The following DPYD variants were observed in gnomAD, a reference collection of about 807,000 sequenced individuals.
DPYD encodes the protein dihydropyrimidine dehydrogenase [NADP(+)].
DPYD carries 109 observed loss-of-function variants against 116.2 expected under a neutral mutation model. The ratio of observed to expected loss-of-function variants is 0.94; its 90% confidence interval spans 0.80 to 1.10. The LOEUF (loss-of-function observed/expected upper bound fraction) is 1.10, where lower values mean the gene tolerates loss of function less well. DPYD is among the 50% of genes least tolerant of loss of function. DPYD has a pLI of 0.00. For synonymous variants in DPYD, 440 were observed against 432.0 expected (o/e 1.02, Z -0.23); for missense variants, 1,302 against 1,254.5 (o/e 1.04, Z -0.57).
intron 19 of DPYD, among the ~76,000 whole-genome samples, chr1:97,226,173 C>T (rs577170976): frequency 2.1e-4 from 32 of 152,006 alleles, no homozygotes; most frequent in African/African-American, 4.6e-4. Flanking sequence ...AAAAATCATC[C>T]GACAAAATTG....
intron 14 of DPYD, among the ~76,000 whole-genome samples, chr1:97,407,017 A>G (rs925554865): frequency 5.9e-5 from 9 of 152,294 alleles, no homozygotes; most frequent in African/African-American, 2.2e-4. Context: ...TGGCACATAA[A>G]GAGCTTGATT....
chr1:97,326,210 T>C (rs770699576), intron 16 of DPYD, among the ~76,000 whole-genome samples: 12 of 151,898 alleles, frequency 7.9e-5, no homozygotes, highest in Non-Finnish European at 1.5e-4. Flanking sequence ...CAGATTTCAA[T>C]TGCTGGAGGA....
At chr1:97,815,248 A>G (rs1668542862) in intron 3 of DPYD, among the ~76,000 whole-genome samples, 1 of 152,202 alleles carries the variant, frequency 6.6e-6, no homozygotes. Context: ...TAGGGGAGAC[A>G]TCAAAAGTAG....
intron 18 of DPYD, among the ~76,000 whole-genome samples, chr1:97,276,426 A>G (rs1201251546): frequency 1.3e-5 from 2 of 152,140 alleles, no homozygotes; most frequent in Non-Finnish European, 2.9e-5. Context: ...TCTAATATCC[A>G]GAATCTATAA....
rs923596810 is a variant in DPYD, at chr1:97,546,995, C to T, written c.1524+2565G>A. The T allele has an allele frequency of 5.0e-6, 8 of 1,588,234 alleles. No individual in the cohort carries two copies. The African/African-American group carries it at 5.4e-5, about 11-fold the overall frequency. The stretch of plus-strand genomic sequence containing the variant: ...CTCTGAATGGACCATAGTGTTTGCA[C>T]ATATTTGCAATTTTTTGCTGTTTTG... On this transcript the variant is annotated intron_variant, in intron 12 of 22. Transcript: ENST00000370192.
intron 20 of DPYD, among the ~76,000 whole-genome samples, chr1:97,135,933 T>G (rs761408138): frequency 1.8e-4 from 27 of 152,184 alleles, no homozygotes; most frequent in Admixed American, 5.2e-4. Flanking sequence ...ATTTTCTGCA[T>G]GCAAGGAAGA....
At chr1:97,623,796 G>A (rs1299938369) in intron 8 of DPYD, among the ~76,000 whole-genome samples, 2 of 151,726 alleles carry the variant, frequency 1.3e-5, no homozygotes, top group African/African-American at 4.8e-5. Context: ...CATCAACCAA[G>A]GGAACAGAGT....
At chr1:97,455,613 T>A (rs997187813) in intron 13 of DPYD, among the ~76,000 whole-genome samples, 3 of 151,918 alleles carry the variant, frequency 2.0e-5, no homozygotes, top group African/African-American at 7.2e-5. Flanking sequence ...ATTATAAATC[T>A]AACATACTGA....
chr1:97,744,618 A>C (rs1333266973), intron 3 of DPYD, among the ~76,000 whole-genome samples: 1 of 152,106 alleles, frequency 6.6e-6, no homozygotes, highest in Non-Finnish European at 1.5e-5. Context: ...AAGTATTCAC[A>C]TTAAAAATTA....
At chr1:97,480,419 G>GA (rs1290000817) in intron 13 of DPYD, among the ~76,000 whole-genome samples, 5 of 152,004 alleles carry the variant, frequency 3.3e-5, no homozygotes, top group Admixed American at 2.6e-4. Context: ...GTAAAATATA[G>GA]AAAAAACTAA....
intron 18 of DPYD, among the ~76,000 whole-genome samples, chr1:97,287,938 C>T (rs1448911736): frequency 6.6e-6 from 1 of 151,610 alleles, no homozygotes. Flanking sequence ...ATTCAGGAAA[C>T]CCATCTCACG....
chr1:97,505,158 G>C (rs1647225601), intron 13 of DPYD, among the ~76,000 whole-genome samples: 1 of 152,058 alleles, frequency 6.6e-6, no homozygotes, highest in Admixed American at 6.6e-5. Flanking sequence ...GAGGAGAGAA[G>C]TGAAAGTTAT....
chr1:97,442,792 A>T lies in DPYD; in HGVS notation c.1905+7267T>A, dbSNP rs151129816. Among the ~76,000 whole-genome samples the T allele has an allele frequency of 3.8e-3, 575 of 152,304 alleles. 1 individual carries two copies. The highest frequency in any genetic ancestry group is 0.013 in the African/African-American group (544 of 41,576). On this transcript the variant is annotated intron_variant, in intron 14 of 22. Transcript: ENST00000370192. The stretch of plus-strand genomic sequence containing the variant: ...ATGAAGTATTTTGTATAAAACCACT[A>T]GTTCACCAAGTTTTGAAAATCAATT...
At chr1:97,681,849 T>A (rs1208382365) in intron 7 of DPYD, among the ~76,000 whole-genome samples, 6 of 152,122 alleles carry the variant, frequency 3.9e-5, no homozygotes, top group Admixed American at 6.6e-5. Context: ...ACTGAGTAAG[T>A]ATGCCATTTT....
chr1:97,176,530 C>T (rs1197417639), intron 20 of DPYD, among the ~76,000 whole-genome samples: 1 of 152,146 alleles, frequency 6.6e-6, no homozygotes, highest in Non-Finnish European at 1.5e-5. Flanking sequence ...GTTTTTTGCC[C>T]ACTGCTGCTA....
intron 14 of DPYD, among the ~76,000 whole-genome samples, chr1:97,410,723 T>C (rs181714449): frequency 1.5e-3 from 234 of 152,208 alleles, no homozygotes; most frequent in Middle Eastern, 6.8e-3. Flanking sequence ...CCAAAGTTTA[T>C]AGATAGATTT....
intron 3 of DPYD, among the ~76,000 whole-genome samples, chr1:97,776,756 T>G (rs1221564536): frequency 6.6e-6 from 1 of 152,202 alleles, no homozygotes; most frequent in African/African-American, 2.4e-5. Context: ...TTCCTTGGTC[T>G]TAGGCAGTCT....
intron 21 of DPYD, among the ~76,000 whole-genome samples, chr1:97,086,986 T>G (rs989477017): frequency 1.3e-5 from 2 of 152,252 alleles, no homozygotes; most frequent in Admixed American, 1.3e-4. Context: ...TTTTATGGTA[T>G]ATTCACTTCT....
chr1:97,125,383 C>T lies in DPYD; in HGVS notation c.2623-26751G>A, dbSNP rs1465027984. On this transcript the variant is annotated intron_variant, in intron 20 of 22. Transcript: ENST00000370192. ...ATAGATGTTCTGATGCATTTTTTCT[C>T]ACTCATATCCAACATCTCATTTGTT... Among the ~76,000 whole-genome samples the T allele has an allele frequency of 2.0e-5, 3 of 152,046 alleles. No homozygotes were observed. In the East Asian group the frequency reaches 5.8e-4, roughly 29 times the overall value.
Sources: allele counts gnomAD v4.1 joint callset (sites outside exome capture counted in the v4.1 genomes callset), GRCh38; gene constraint gnomAD v4.1.1; transcripts MANE v1.5; gene names NCBI Gene and HGNC (gene_info 2026-07-23, HGNC 2026-07-21).